CFAP47: variants seen among roughly 807,000 people sequenced by gnomAD.
The protein encoded by CFAP47 is cilia- and flagella-associated protein 47.
A neutral mutation model predicts 148.1 loss-of-function variants in CFAP47; 29 were observed. The observed-to-expected ratio is 0.20, with a 90% CI of 0.15 to 0.27. The LOEUF (loss-of-function observed/expected upper bound fraction) is 0.27. CFAP47 is among the 10% of genes least tolerant of loss of function. The probability of loss-of-function intolerance (pLI) is 1.00; values close to 1 mark genes in which losing one functional copy is unlikely to be tolerated. For missense variants in CFAP47, 1,872 were observed against 1,697.5 expected (o/e 1.10, Z -1.81); for synonymous variants, 664 against 577.3 (o/e 1.15, Z -2.15).
chrX:36,019,376 C>A (rs961029105), intron 22 of CFAP47, among the ~76,000 whole-genome samples: 2 of 111,797 alleles, frequency 1.8e-5, no homozygotes, highest in Non-Finnish European at 3.8e-5. Context: ...AAACTTCTGC[C>A]GACCTCCTCC....
intron 22 of CFAP47, among the ~76,000 whole-genome samples, chrX:36,016,019 G>A (rs1263982446): frequency 2.7e-5 from 3 of 109,260 alleles, no homozygotes; most frequent in African/African-American, 1.0e-4. Context: ...AGTTTTTGGG[G>A]GCACATAGTA....
chrX:35,962,581 A>G (rs1936345363), intron 8 of CFAP47, among the ~76,000 whole-genome samples: 2 of 110,831 alleles, frequency 1.8e-5, no homozygotes, highest in African/African-American at 3.3e-5. Flanking sequence ...AACTTTTTCT[A>G]TCAATATCTA....
chrX:36,174,093 G>T (rs1939630063), intron 39 of CFAP47, among the ~76,000 whole-genome samples: 1 of 107,317 alleles, frequency 9.3e-6, no homozygotes, highest in Admixed American at 1.0e-4. Flanking sequence ...TTGGTTTAAA[G>T]TCTGTTTTAT....
At chrX:36,334,460 G>A (rs1422669295) in intron 57 of CFAP47, among the ~76,000 whole-genome samples, 1 of 111,143 alleles carries the variant, frequency 9.0e-6, no homozygotes, top group Non-Finnish European at 1.9e-5. Flanking sequence ...TTTATATAAA[G>A]TTATACAATT....
At chrX:36,212,643 T>C (rs59986636) in intron 45 of CFAP47, among the ~76,000 whole-genome samples, 9,874 of 111,497 alleles carry the variant, frequency 0.089, 1,097 homozygotes, top group African/African-American at 0.3. Flanking sequence ...TATTTTATTC[T>C]TTTTGATAAT....
intron 33 of CFAP47, among the ~76,000 whole-genome samples, chrX:36,127,237 T>G (rs1331169808): frequency 8.9e-6 from 1 of 112,301 alleles, no homozygotes; most frequent in African/African-American, 3.2e-5. Context: ...GTTTTAGGTT[T>G]AAGTCTTTAA....
At chrX:36,366,359 A>G (rs1358952222) in intron 61 of CFAP47, among the ~76,000 whole-genome samples, 3 of 111,641 alleles carry the variant, frequency 2.7e-5, no homozygotes, top group African/African-American at 9.7e-5. Context: ...TCTTAAGTCT[A>G]TCTCTACTAA....
At position 36,126,135 on chromosome X, in the gene CFAP47, C is replaced by T. The variant is rs1294080526; in HGVS notation, c.5321-11823C>T. Among the ~76,000 whole-genome samples the T allele has an allele frequency of 9.2e-5, 10 of 108,430 alleles. No individual in the cohort carries two copies. In the East Asian group the frequency reaches 1.2e-3, roughly 13 times the overall value. The allele number at this position is 108,430 out of a possible 115,157, so 94.2% of individuals were successfully genotyped here. ...TAAGTACTGGGGTACATGTGCAGAACGTGCAGTTTTGTTACATAGGTATAC... is the reference window on the plus strand; with the variant it reads ...TAAGTACTGGGGTACATGTGCAGAATGTGCAGTTTTGTTACATAGGTATAC... On this transcript the variant is annotated intron_variant, in intron 33 of 63. Coordinates refer to ENST00000378653, the MANE Select transcript of CFAP47 (RefSeq NM_001304548.2).
intron 30 of CFAP47, among the ~76,000 whole-genome samples, chrX:36,088,250 A>G (rs2146779912): frequency 8.9e-6 from 1 of 111,923 alleles, no homozygotes; most frequent in South Asian, 3.7e-4. Flanking sequence ...TTATGAAACA[A>G]TATTCTGTAA....
intron 49 of CFAP47, among the ~76,000 whole-genome samples, chrX:36,269,396 TAGAC>T (rs1940932071): frequency 8.9e-6 from 1 of 112,044 alleles, no homozygotes; most frequent in Non-Finnish European, 1.9e-5. Context: ...ACACAGGTGA[TAGAC>T]AGATAGATTA....
chrX:36,081,215 A>G (rs774269807), intron 29 of CFAP47, among the ~76,000 whole-genome samples: 36 of 111,967 alleles, frequency 3.2e-4, no homozygotes, highest in Admixed American at 1.0e-3. Context: ...ATGTTTATGA[A>G]CACTTCGGTG....
intron 62 of CFAP47, among the ~76,000 whole-genome samples, chrX:36,371,122 T>C (rs1941928544): frequency 8.9e-6 from 1 of 112,061 alleles, no homozygotes; most frequent in Admixed American, 9.6e-5. Flanking sequence ...ATATAAGTGA[T>C]TAGCAATAAG....
intron 62 of CFAP47, among the ~76,000 whole-genome samples, chrX:36,373,906 A>G (rs1211081283): frequency 8.9e-5 from 10 of 112,157 alleles, no homozygotes; most frequent in African/African-American, 3.2e-4. Context: ...CATCTCAAGG[A>G]TAAGTCCCAC....
intron 42 of CFAP47, among the ~76,000 whole-genome samples, chrX:36,192,423 C>T (rs1939876517): frequency 1.8e-5 from 2 of 111,677 alleles, no homozygotes; most frequent in Admixed American, 9.5e-5. Context: ...CGTTGCAAAA[C>T]ACACAATGAT....
At chrX:36,055,973 CTGTT>C (rs1268175398) in intron 26 of CFAP47, among the ~76,000 whole-genome samples, 4 of 109,065 alleles carry the variant, frequency 3.7e-5, no homozygotes, top group Non-Finnish European at 7.6e-5. Flanking sequence ...TGAGAAGTGT[CTGTT>C]TATGTCCTTT....
At chrX:36,035,985 A>G (rs1267582377) in intron 24 of CFAP47, 131 bp downstream of exon 24, 1 of 243,911 alleles carries the variant, frequency 4.1e-6, no homozygotes, top group African/African-American at 2.9e-5. Flanking sequence ...TAAATAATAC[A>G]ATTTTATTAA....
At chrX:36,069,101 A>G (rs989955207) in intron 27 of CFAP47, among the ~76,000 whole-genome samples, 1 of 111,107 alleles carries the variant, frequency 9.0e-6, no homozygotes, top group Non-Finnish European at 1.9e-5. Context: ...GGCAATTCTC[A>G]TTTGTGTTCT....
rs186144123 is a variant in CFAP47 at position 35,951,275 on chromosome X, T to G, written c.801T>G (p.Ile267Met). The change falls in exon 5 of 64, where the codon ATT becomes ATG. Residue 267 changes from isoleucine to methionine, a missense_variant. Transcript: ENST00000378653. ...FGPVFFGSSKIKHARVYNNSP... is the reference protein window; with the variant it reads ...FGPVFFGSSKMKHARVYNNSP... ...CTGTTTTCTTCGGATCATCAAAAAT[T>G]AAACATGCACGTGTATACAATAATA... The G allele has an allele frequency of 2.6e-5, 31 of 1,208,449 alleles. No individual in the cohort carries two copies. The East Asian group carries it at 7.7e-4, about 30-fold the overall frequency.
intron 22 of CFAP47, among the ~76,000 whole-genome samples, chrX:36,025,896 T>A (rs1038574465): frequency 4.5e-5 from 5 of 111,951 alleles, no homozygotes; most frequent in African/African-American, 1.3e-4. Context: ...GCCTTTAGTA[T>A]TATTCATTTT....
Sources: allele counts gnomAD v4.1 joint callset (sites outside exome capture counted in the v4.1 genomes callset), GRCh38; gene constraint gnomAD v4.1.1; transcripts MANE v1.5; gene names NCBI Gene and HGNC (gene_info 2026-07-23, HGNC 2026-07-21).